The following TPTE variants were observed in gnomAD, a reference collection of about 807,000 sequenced individuals.
TPTE encodes the protein transmembrane phosphatase with tensin homology.
Under a neutral mutation model 84.1 loss-of-function variants are expected in TPTE, and 59 were observed. The ratio of observed to expected loss-of-function variants is 0.70; its 90% CI spans 0.57 to 0.87. TPTE has a LOEUF of 0.87. Ranked by LOEUF, TPTE falls within the 40% of genes least tolerant of loss-of-function variation. TPTE has a pLI of 0.00. For synonymous variants in TPTE, 130 were observed against 223.5 expected, an observed-to-expected ratio of 0.58 and a Z score of 3.73; for missense variants, 382 against 659.6, an observed-to-expected ratio of 0.58 and a Z score of 4.61.
At chr21:10,594,523 T>C (rs2075544339) in intron 19 of TPTE, among the ~76,000 whole-genome samples, 1 of 152,312 alleles carries the variant, frequency 6.6e-6, no homozygotes, top group South Asian at 2.1e-4. Context: ...TGTTTTAAGT[T>C]GTAGGAGAAG....
chr21:10,581,390 TCTGA>T (rs2075268691), intron 17 of TPTE, among the ~76,000 whole-genome samples: 1 of 152,310 alleles, frequency 6.6e-6, no homozygotes, highest in Admixed American at 6.5e-5. Context: ...TCATTTCAAA[TCTGA>T]CTTTTTTTCT....
chr21:10,546,814 G>A (rs182300008), intron 7 of TPTE, among the ~76,000 whole-genome samples: 70 of 152,392 alleles, frequency 4.6e-4, no homozygotes, highest in African/African-American at 1.6e-3. Flanking sequence ...AAAGCTTGAC[G>A]CTAAAAGGTT....
chr21:10,585,920 T>A (rs1175292183), intron 17 of TPTE, among the ~76,000 whole-genome samples: 1 of 152,296 alleles, frequency 6.6e-6, no homozygotes, highest in Admixed American at 6.5e-5. Context: ...GCAGAGATGT[T>A]CCCTTTTTTA....
intron 15 of TPTE, among the ~76,000 whole-genome samples, chr21:10,578,079 G>A (rs1272507257): frequency 2.6e-5 from 4 of 152,308 alleles, no homozygotes; most frequent in Non-Finnish European, 5.9e-5. Context: ...ATAATATAAT[G>A]AATAGTCTGC....
At chr21:10,541,447 T>G (rs1404000023) in intron 5 of TPTE, among the ~76,000 whole-genome samples, 1 of 152,198 alleles carries the variant, frequency 6.6e-6, no homozygotes, top group Non-Finnish European at 1.5e-5. Flanking sequence ...CATTCCACCC[T>G]GGGCAGCAGG....
intron 15 of TPTE, 71 bp downstream of exon 15, chr21:10,577,591 G>A: frequency 6.2e-7 from 1 of 1,610,628 alleles, no homozygotes; most frequent in South Asian, 1.1e-5. Flanking sequence ...AGATGATTTT[G>A]TTTTTTAGAT....
chr21:10,559,066 T>C (rs2074741358), intron 8 of TPTE, among the ~76,000 whole-genome samples: 1 of 152,308 alleles, frequency 6.6e-6, no homozygotes, highest in African/African-American at 2.4e-5. Flanking sequence ...CCTATGCTCA[T>C]TCCTGAAACA....
At chr21:10,540,446 T>A (rs1159850118) in intron 4 of TPTE, among the ~76,000 whole-genome samples, 13 of 152,308 alleles carry the variant, frequency 8.5e-5, no homozygotes, top group African/African-American at 3.1e-4. Flanking sequence ...ATGTTAGTGT[T>A]TGTCACATTA....
chr21:10,588,745 C>A (rs1181429219), intron 17 of TPTE, among the ~76,000 whole-genome samples: 1 of 152,308 alleles, frequency 6.6e-6, no homozygotes, highest in Non-Finnish European at 1.5e-5. Flanking sequence ...TGGATTAGTT[C>A]AAAAGACCAG....
chr21:10,571,470 C>A (rs2075042194), intron 14 of TPTE, among the ~76,000 whole-genome samples: 1 of 152,306 alleles, frequency 6.6e-6, no homozygotes, highest in Non-Finnish European at 1.5e-5. Context: ...AAACATTACA[C>A]CTCCAAAGAA....
chr21:10,566,194 T>G (rs2074917839), intron 10 of TPTE, among the ~76,000 whole-genome samples: 1 of 152,306 alleles, frequency 6.6e-6, no homozygotes, highest in African/African-American at 2.4e-5. Context: ...TTTTAAATGA[T>G]AAGATTTGAA....
chr21:10,522,119 C>T (rs1488682889), intron 1 of TPTE, among the ~76,000 whole-genome samples: 1 of 152,162 alleles, frequency 6.6e-6, no homozygotes, highest in Non-Finnish European at 1.5e-5. Flanking sequence ...GCGCCGCCCC[C>T]GAGGCGCCCG....
chr21:10,598,969 G>A (rs560847549), intron 21 of TPTE, among the ~76,000 whole-genome samples: 20 of 152,390 alleles, frequency 1.3e-4, no homozygotes, highest in South Asian at 6.2e-4. Flanking sequence ...AGGATGACCC[G>A]TTCCCCTTAC....
At chr21:10,549,709 A>C (rs1300821803) in intron 7 of TPTE, among the ~76,000 whole-genome samples, 5 of 152,310 alleles carry the variant, frequency 3.3e-5, no homozygotes, top group Non-Finnish European at 2.9e-5. Flanking sequence ...TAATTTGGTC[A>C]AATATTCATA....
chr21:10,602,730 T>A (rs1410021580), intron 22 of TPTE: 1 of 517,960 alleles, frequency 1.9e-6, no homozygotes, highest in Non-Finnish European at 3.9e-6. Flanking sequence ...CAGTTTTTTA[T>A]TAATTCCAGA....
chr21:10,597,943 A>T, intron 20 of TPTE, 72 bp from the exon 21 acceptor site: 1 of 1,557,650 alleles, frequency 6.4e-7, no homozygotes, highest in Admixed American at 1.8e-5. Flanking sequence ...TTAATCCATG[A>T]TGTTAATTGG....
chr21:10,604,640 A>ATATT (rs1173649929), intron 23 of TPTE, among the ~76,000 whole-genome samples: 1 of 152,304 alleles, frequency 6.6e-6, no homozygotes, highest in Non-Finnish European at 1.5e-5. Context: ...ACAAACAATA[A>ATATT]GCTTTTTATT....
chr21:10,576,395 C>A (rs544101118), intron 14 of TPTE: 1 of 212,416 alleles, frequency 4.7e-6, no homozygotes, highest in Non-Finnish European at 1.0e-5. Context: ...TCTCCATGGT[C>A]TCTTCAGGTG....
At chr21:10,584,462 T>C (rs1349952153) in intron 17 of TPTE, among the ~76,000 whole-genome samples, 1 of 152,304 alleles carries the variant, frequency 6.6e-6, no homozygotes, top group Admixed American at 6.5e-5. Flanking sequence ...ATCAGCCTCT[T>C]GAGTAGCTAG....
Sources: allele counts gnomAD v4.1 joint callset (sites outside exome capture counted in the v4.1 genomes callset), GRCh38; gene constraint gnomAD v4.1.1; transcripts MANE v1.5; gene names NCBI Gene and HGNC (gene_info 2026-07-23, HGNC 2026-07-21).